Variants in PRC1 observed in about 807,000 individuals in gnomAD.
PRC1 encodes the protein anaphase spindle elongation 1 homolog.
In PRC1, 54 loss-of-function variants were observed where a neutral mutation model predicts 91.2. That is an observed-to-expected ratio of 0.59 (90% CI 0.48 to 0.74). PRC1 has a LOEUF of 0.74. PRC1 is among the 30% of genes least tolerant of loss of function. The pLI, the probability that PRC1 is intolerant of heterozygous loss-of-function variation, is 0.00. For synonymous variants in PRC1, 275 were observed against 263.6 expected (o/e 1.04, Z -0.42); for missense variants, 727 against 746.2 (o/e 0.97, Z 0.30).
chr15:90,968,144 G>C lies in PRC1; in HGVS notation c.1791+935C>G. On this transcript the variant is annotated intron_variant, in intron 14 of 14. Transcript: ENST00000394249. Reference sequence around the variant, plus strand: ...GAACCTACCTAGGACTAGCCACACAGATAGGCAGGTACATTTAAGCCTCAG... The same window carrying C: ...GAACCTACCTAGGACTAGCCACACACATAGGCAGGTACATTTAAGCCTCAG... The C allele has an allele frequency of 3.0e-6, 3 of 985,460 alleles. No homozygotes were observed. The African/African-American group carries it at 5.2e-5, about 17-fold the overall frequency. The allele number at this position is 985,460 out of a possible 1,614,324, so 61.0% of individuals were successfully genotyped here. A position where few individuals can be genotyped will look rare whatever the true frequency, so the allele number is the denominator to read the frequency against.
intron 1 of PRC1, chr15:90,985,807 C>T (rs1301072450): frequency 1.3e-5 from 2 of 152,210 alleles, no homozygotes; most frequent in African/African-American, 4.8e-5. Context: ...AGCCACTGCG[C>T]CCGGGCCTAG....
intron 1 of PRC1, among the ~76,000 whole-genome samples, chr15:90,989,882 T>C (rs934513890): frequency 6.6e-6 from 1 of 152,116 alleles, no homozygotes; most frequent in Non-Finnish European, 1.5e-5. Flanking sequence ...GTATGGTTTT[T>C]TGAGACAGGG....
chr15:90,967,125 G>A lies in PRC1; in HGVS notation c.*6C>T. 2 of 1,612,438 alleles carry A rather than the reference G, an allele frequency of 1.2e-6. No homozygotes were observed. Among genetic ancestry groups the A allele is most frequent in the South Asian group, 1.1e-5 (1 of 91,034 alleles). ...AAGCCACAGCTGGTTGACTGATCAG[G>A]GCTTCTCAGGACTGGATGTTGGTTG... On this transcript the variant is annotated 3_prime_UTR_variant, in exon 15 of 15. Coordinates refer to ENST00000394249, the MANE Select transcript of PRC1 (RefSeq NM_003981.4).
chr15:90,984,666 T>G lies in PRC1; in HGVS notation c.144+27A>C. On this transcript the variant is annotated intron_variant, in intron 2 of 14. Transcript: ENST00000394249. The surrounding 1 kb of genome is among the most constrained non-coding windows in gnomAD (Gnocchi z 5.1). Reference sequence around the variant, plus strand: ...CACCAACATCCTTACCCTGGTCCAATGCAGAGACCAGTACTATTCAACCCA... The same window carrying G: ...CACCAACATCCTTACCCTGGTCCAAGGCAGAGACCAGTACTATTCAACCCA... 1 of 1,613,156 alleles carries G rather than the reference T, an allele frequency of 6.2e-7. No homozygotes were observed. Among genetic ancestry groups the G allele is most frequent in the African/African-American group, 1.3e-5 (1 of 75,024 alleles).
At chr15:90,980,512 C>CA in intron 6 of PRC1, 123 bp from the exon 7 acceptor site, 1 of 491,328 alleles carries the variant, frequency 2.0e-6, no homozygotes, top group Non-Finnish European at 3.2e-6. Flanking sequence ...TAAATCAACA[C>CA]TTTTTTTTTT....
In PRC1 at chr15:90,981,042, T is replaced by C. The variant is rs371959663; in HGVS notation, c.673-9A>G. The C allele has an allele frequency of 3.4e-5, 55 of 1,613,798 alleles. No homozygotes were observed. The African/African-American group carries it at 6.1e-4, about 18-fold the overall frequency. Reference sequence around the variant, plus strand: ...GATTTCTGCATTTCCAGCTACAGCATAGAAAGCCAGTGTCACTCACGGCAA... The same window carrying C: ...GATTTCTGCATTTCCAGCTACAGCACAGAAAGCCAGTGTCACTCACGGCAA... On this transcript the variant is annotated splice_polypyrimidine_tract_variant and intron_variant, in intron 5 of 14. Coordinates refer to ENST00000394249, the MANE Select transcript of PRC1 (RefSeq NM_003981.4).
At chr15:90,969,263 ACTTC>A (rs1191618538) in intron 13 of PRC1, 143 bp from the exon 14 acceptor site, 1 of 1,204,310 alleles carries the variant, frequency 8.3e-7, no homozygotes, top group African/African-American at 1.5e-5. Context: ...GCTGCTGCCA[ACTTC>A]CTTCCTACAC....
At chr15:90,968,844 A>G in intron 14 of PRC1, 1 of 1,342,576 alleles carries the variant, frequency 7.4e-7, no homozygotes, top group South Asian at 1.6e-5. Context: ...AACGTGATTT[A>G]AAACTGTGCC....
intron 7 of PRC1, 38 bp from the exon 8 acceptor site, chr15:90,979,332 C>CT (rs752391133): frequency 1.3e-6 from 2 of 1,582,354 alleles, no homozygotes; most frequent in Non-Finnish European, 1.7e-6. Flanking sequence ...AACAATTCCT[C>CT]TAGTATTTAG....
At chr15:90,969,223 A>G in intron 13 of PRC1, 103 bp from the exon 14 acceptor site, 2 of 1,331,562 alleles carry the variant, frequency 1.5e-6, no homozygotes, top group Non-Finnish European at 2.1e-6. Context: ...GTATGTATTA[A>G]GCAGAAGGAT....
intron 8 of PRC1, 47 bp downstream of exon 8, chr15:90,979,111 A>G: frequency 6.3e-7 from 1 of 1,586,146 alleles, no homozygotes; most frequent in Middle Eastern, 1.7e-4. Context: ...GATTCCGTAC[A>G]TGGCATGCTT....
At chr15:90,972,260 G>A (rs1244871841) in intron 11 of PRC1, among the ~76,000 whole-genome samples, 1 of 149,828 alleles carries the variant, frequency 6.7e-6, no homozygotes, top group Admixed American at 6.7e-5. Context: ...GCATGTGCCC[G>A]TAAGTCTCAG....
chr15:90,993,285 T>C (rs1380044169), intron 1 of PRC1, among the ~76,000 whole-genome samples: 1 of 149,540 alleles, frequency 6.7e-6, no homozygotes, highest in Non-Finnish European at 1.5e-5. Context: ...TGTCGGCTCA[T>C]GCAACCTCTG....
At chr15:90,989,128 A>AT (rs979912814) in intron 1 of PRC1, among the ~76,000 whole-genome samples, 10 of 152,074 alleles carry the variant, frequency 6.6e-5, no homozygotes, top group African/African-American at 2.4e-4. Flanking sequence ...GGATGGTATA[A>AT]TAAAAAAAAA....
At chr15:90,989,398 A>G (rs890710095) in intron 1 of PRC1, among the ~76,000 whole-genome samples, 1 of 144,942 alleles carries the variant, frequency 6.9e-6, no homozygotes, top group Non-Finnish European at 1.5e-5. Flanking sequence ...TAGACGTGCC[A>G]TCGTGCTTGG....
At position 90,984,659 on chromosome 15, in the gene PRC1, G is replaced by T; in HGVS notation, c.144+34C>A. 6.2e-7 allele frequency: 1 copy of T among 1,612,466 alleles called. No homozygotes were observed. The highest frequency in any genetic ancestry group is 1.1e-5 in the South Asian group (1 of 90,868). On this transcript the variant is annotated intron_variant, in intron 2 of 14. Coordinates refer to ENST00000394249, the MANE Select transcript of PRC1 (RefSeq NM_003981.4). This position sits in a 1 kb window ranked among gnomAD's most constrained non-coding sequence, Gnocchi z 5.1. ...GGTGAGACACCAACATCCTTACCCT[G>T]GTCCAATGCAGAGACCAGTACTATT...
At chr15:90,967,420 T>A (rs2037604224) in intron 14 of PRC1, 1 of 546,890 alleles carries the variant, frequency 1.8e-6, no homozygotes, top group Non-Finnish European at 3.3e-6. Context: ...CCGTGACCCC[T>A]TTTTCCTCAG....
rs779785131 is a variant in PRC1 at position 90,966,587 on chromosome 15, T to A, written c.*544A>T. On this transcript the variant is annotated 3_prime_UTR_variant, in exon 15 of 15. Transcript: ENST00000394249. ...TGCTCCCAGCCTTCCTGTCACCTCT[T>A]TGGCAGTAGGGCAGGCCATCTCAAC... The A allele has an allele frequency of 4.4e-6, 2 of 456,092 alleles. No homozygotes were observed. The highest frequency in any genetic ancestry group is 3.1e-5 in the South Asian group (2 of 64,562). 28.3% of individuals were successfully genotyped at this position (456,092 alleles called of 1,614,324 possible). A position where few individuals can be genotyped will look rare whatever the true frequency, so the allele number is the denominator to read the frequency against.
At chr15:90,983,950 A>C in intron 3 of PRC1, 68 bp downstream of exon 3, 1 of 1,575,042 alleles carries the variant, frequency 6.3e-7, no homozygotes, top group Non-Finnish European at 8.7e-7. Flanking sequence ...TGCAGGCCCA[A>C]GTCAACGTTG....
Sources: gnomAD v4.1 joint callset for allele counts (sites outside exome capture counted in the v4.1 genomes callset) on GRCh38, gnomAD v4.1.1 for gene constraint, Gnocchi (gnomAD v3.1) non-coding constraint, MANE v1.5 for transcripts, NCBI Gene and HGNC (gene_info 2026-07-23, HGNC 2026-07-21) for gene names.